The following LPGAT1 variants were observed in gnomAD, a reference collection of about 807,000 sequenced individuals.
The protein encoded by LPGAT1 is lysophosphatidylglycerol acyltransferase 1.
Under a neutral mutation model 47.5 loss-of-function variants are expected in LPGAT1, and 11 were observed. The ratio of observed to expected loss-of-function variants is 0.23; its 90% CI spans 0.15 to 0.38. The LOEUF (loss-of-function observed/expected upper bound fraction) is 0.38. Among genes scored for constraint, LPGAT1 ranks in the 10% least tolerant of loss-of-function variants. The pLI is 1.00. For synonymous variants in LPGAT1, 138 were observed against 144.2 expected (o/e 0.96, Z 0.31); for missense variants, 293 against 439.0 (o/e 0.67, Z 2.97).
At chr1:211,786,055 G>A (rs370399953) in intron 4 of LPGAT1, among the ~76,000 whole-genome samples, 10 of 152,226 alleles carry the variant, frequency 6.6e-5, no homozygotes, top group Admixed American at 2.6e-4. Context: ...TGTTGGTTCC[G>A]CTGCCTTCTC....
intron 3 of LPGAT1, among the ~76,000 whole-genome samples, chr1:211,790,342 G>A (rs1659061585): frequency 6.6e-6 from 1 of 151,804 alleles, no homozygotes; most frequent in Admixed American, 6.6e-5. Context: ...AAACTAATGG[G>A]GGCTTCAAGA....
In LPGAT1 at chr1:211,744,937, A is replaced by G. The variant is rs1215745555; in HGVS notation, c.*4962T>C. Reference sequence around the variant, plus strand: ...ATATTAATGCCCAAATAGCTCTGGTAAAACACACATGCCCCATCCCCACTG... The same window carrying G: ...ATATTAATGCCCAAATAGCTCTGGTGAAACACACATGCCCCATCCCCACTG... On this transcript the variant is annotated 3_prime_UTR_variant, in exon 8 of 8. Transcript: ENST00000366997. The G allele has an allele frequency of 6.6e-6, 1 of 152,656 alleles. No individual in the cohort carries two copies. The allele number at this position is 152,656 out of a possible 1,614,324, so 9.5% of individuals were successfully genotyped here. A position where few individuals can be genotyped will look rare whatever the true frequency, so the allele number is the denominator to read the frequency against.
rs1199008817 is a variant in LPGAT1, at chr1:211,748,843, C to G, written c.*1056G>C. ...GGTCCTAGGGGTGCCACATGAGAAC[C>G]TGTCACCATTATAAGCCACTAGCTC... On this transcript the variant is annotated 3_prime_UTR_variant, in exon 8 of 8. Transcript: ENST00000366997. The G allele has an allele frequency of 1.3e-5, 2 of 152,588 alleles. No homozygotes were observed. Among genetic ancestry groups the G allele is most frequent in the Non-Finnish European group, 2.9e-5 (2 of 68,054 alleles). The allele number at this position is 152,588 out of a possible 1,614,324, so 9.5% of individuals were successfully genotyped here.
Position 211,830,751 on chromosome 1 carries a change from G to C in LPGAT1, c.-206C>G. 2 of 1,164,866 alleles carry C rather than the reference G, an allele frequency of 1.7e-6. No individual in the cohort carries two copies. The highest frequency in any genetic ancestry group is 2.1e-6 in the Non-Finnish European group (2 of 945,156). The allele number at this position is 1,164,866 out of a possible 1,614,324, so 72.2% of individuals were successfully genotyped here. The stretch of plus-strand genomic sequence containing the variant: ...ACTCGGTCCCCAAGGGCCCGGCCGC[G>C]TTCGCCCGGACTGGCGGGGAGGGGC... On this transcript the variant is annotated 5_prime_UTR_variant, in exon 1 of 8. Coordinates refer to ENST00000366997, the MANE Select transcript of LPGAT1 (RefSeq NM_014873.3). This position sits in a 1 kb window ranked among gnomAD's most constrained non-coding sequence, Gnocchi z 5.9.
intron 2 of LPGAT1, among the ~76,000 whole-genome samples, chr1:211,815,908 A>T (rs948346055): frequency 1.1e-4 from 17 of 149,914 alleles, no homozygotes; most frequent in Admixed American, 2.0e-4. Flanking sequence ...CCTCCTGAGT[A>T]GCTGGGACTA....
intron 5 of LPGAT1, among the ~76,000 whole-genome samples, chr1:211,780,780 C>A (rs1658608190): frequency 6.6e-6 from 1 of 152,026 alleles, no homozygotes; most frequent in African/African-American, 2.4e-5. Context: ...TTTTTAGACA[C>A]ATTAAAAAAT....
rs918288258 is a variant in LPGAT1, at chr1:211,787,637, T to C, written c.448A>G (p.Arg150Gly). ...VSLVHGDFFI[R>G]QGRSYRDQQL... Reference sequence around the variant, plus strand: ...AAAAAGTGCTCATTACTTACCTGTCTTATAAAGAAGTCTCCATGAACTAGA... The same window carrying C: ...AAAAAGTGCTCATTACTTACCTGTCCTATAAAGAAGTCTCCATGAACTAGA... Residue 150 changes from arginine (R) to glycine (G), a missense_variant, in exon 4 of 8, where the codon AGA (arginine) becomes GGA (glycine). Physicochemically the swap from Arg to Gly is moderately radical, Grantham distance 125. Coordinates refer to ENST00000366997, the MANE Select transcript of LPGAT1 (RefSeq NM_014873.3). The C allele has an allele frequency of 6.4e-7, 1 of 1,570,258 alleles. No homozygotes were observed. The highest frequency in any genetic ancestry group is 8.7e-7 in the Non-Finnish European group (1 of 1,144,840).
intron 7 of LPGAT1, 147 bp downstream of exon 7, chr1:211,750,814 G>A (rs1484957797): frequency 4.9e-6 from 3 of 612,672 alleles, no homozygotes; most frequent in Non-Finnish European, 8.7e-6. Context: ...CCCAGGGTAA[G>A]CTGATTCATG....
intron 2 of LPGAT1, among the ~76,000 whole-genome samples, chr1:211,827,020 C>T (rs1381353031): frequency 2.0e-5 from 3 of 152,218 alleles, no homozygotes; most frequent in Admixed American, 2.0e-4. Flanking sequence ...CTTCTTTAAA[C>T]TCAGCTGAGG....
At chr1:211,801,995 G>A (rs1659592827) in intron 2 of LPGAT1, among the ~76,000 whole-genome samples, 1 of 150,108 alleles carries the variant, frequency 6.7e-6, no homozygotes, top group Admixed American at 6.7e-5. Context: ...AGCTAAGGCA[G>A]AAGGATTGCT....
rs1656906239 is a variant in LPGAT1 at position 211,745,474 on chromosome 1, TA to T, written c.*4424del. 1 of 152,128 alleles carries T rather than the reference TA, an allele frequency of 6.6e-6. No homozygotes were observed. The highest frequency in any genetic ancestry group is 2.4e-5 in the African/African-American group (1 of 41,430). The allele number at this position is 152,128 out of a possible 1,614,324, so 9.4% of individuals were successfully genotyped here. On this transcript the variant is annotated 3_prime_UTR_variant, in exon 8 of 8. Transcript: ENST00000366997. ...TCATGTGTTCAACAGTTTTACACAATAAAAATAAAGCCATTCAAGATATGTG... is the reference window on the plus strand; with the variant it reads ...TCATGTGTTCAACAGTTTTACACAATAAAATAAAGCCATTCAAGATATGTG...
intron 6 of LPGAT1, among the ~76,000 whole-genome samples, chr1:211,771,341 T>G (rs1658161281): frequency 1.3e-5 from 2 of 152,120 alleles, no homozygotes; most frequent in Admixed American, 6.5e-5. Flanking sequence ...ATCACCTAAT[T>G]TCACATTTCT....
chr1:211,813,001 C>T (rs1660045375), intron 2 of LPGAT1, among the ~76,000 whole-genome samples: 1 of 152,156 alleles, frequency 6.6e-6, no homozygotes, highest in Non-Finnish European at 1.5e-5. Flanking sequence ...GAGGGAGGGG[C>T]TATTTACTTT....
intron 3 of LPGAT1, among the ~76,000 whole-genome samples, chr1:211,788,034 C>G (rs1487360129): frequency 6.6e-6 from 1 of 152,082 alleles, no homozygotes; most frequent in African/African-American, 2.4e-5. Flanking sequence ...CCCAAAGTCT[C>G]TGATAATTCT....
Position 211,779,062 on chromosome 1 carries a change from A to C in LPGAT1, c.728-18T>G. On this transcript the variant is annotated intron_variant, in intron 5 of 7. Transcript: ENST00000366997. ...TTTGCTGTCTGAGAACAAAGAAAAA[A>C]AGACTTAAAATTAAATCAACTTTTA... 1 of 1,558,686 alleles carries C rather than the reference A, an allele frequency of 6.4e-7. No homozygotes were observed. Among genetic ancestry groups the C allele is most frequent in the Non-Finnish European group, 8.6e-7 (1 of 1,160,020 alleles).
At chr1:211,791,798 A>G (rs1232410088) in intron 3 of LPGAT1, among the ~76,000 whole-genome samples, 1 of 147,400 alleles carries the variant, frequency 6.8e-6, no homozygotes, top group East Asian at 2.0e-4. Flanking sequence ...AAAAAAAAAC[A>G]TTGTTTGTGA....
At chr1:211,785,017 A>C (rs551698062) in intron 4 of LPGAT1, among the ~76,000 whole-genome samples, 3 of 152,004 alleles carry the variant, frequency 2.0e-5, no homozygotes, top group East Asian at 1.9e-4. Context: ...GTTAGCCAGG[A>C]TGGTCTCGAT....
intron 6 of LPGAT1, among the ~76,000 whole-genome samples, chr1:211,773,850 GGTAA>G (rs1199191987): frequency 1.3e-5 from 2 of 152,020 alleles, no homozygotes; most frequent in African/African-American, 4.8e-5. Context: ...GTTTCCCTTA[GGTAA>G]GTCTTAGTTC....
chr1:211,807,996 ACACTG>A (rs1242021410), intron 2 of LPGAT1, among the ~76,000 whole-genome samples: 3 of 152,214 alleles, frequency 2.0e-5, no homozygotes, highest in Admixed American at 2.0e-4. Flanking sequence ...TGAGGAAAAG[ACACTG>A]TTAAGAGAAT....
Sources: gnomAD v4.1 joint callset for allele counts (sites outside exome capture counted in the v4.1 genomes callset) on GRCh38, gnomAD v4.1.1 for gene constraint, Gnocchi (gnomAD v3.1) non-coding constraint, MANE v1.5 for transcripts, NCBI Gene and HGNC (gene_info 2026-07-23, HGNC 2026-07-21) for gene names.